TMEM150C: variants seen among roughly 807,000 people sequenced by gnomAD.
The protein encoded by TMEM150C is transmembrane protein 150C.
A neutral mutation model predicts 29.9 loss-of-function variants in TMEM150C; 10 were observed. The observed-to-expected ratio is 0.33, with a 90% confidence interval of 0.21 to 0.57. The LOEUF (loss-of-function observed/expected upper bound fraction) is 0.57. Among genes scored for constraint, TMEM150C ranks in the 20% least tolerant of loss-of-function variants. TMEM150C has a pLI of 0.88. For missense variants in TMEM150C, 251 were observed against 303.6 expected (o/e 0.83, Z 1.29); for synonymous variants, 101 against 112.5 (o/e 0.90, Z 0.64).
At chr4:82,514,472 A>T (rs914235234) in intron 1 of TMEM150C, among the ~76,000 whole-genome samples, 1 of 152,172 alleles carries the variant, frequency 6.6e-6, no homozygotes, top group African/African-American at 2.4e-5. Flanking sequence ...CCCAGCGACC[A>T]TGGATTTTCA....
At chr4:82,492,098 C>T (rs796298474) in intron 6 of TMEM150C, among the ~76,000 whole-genome samples, 4 of 139,846 alleles carry the variant, frequency 2.9e-5, no homozygotes, top group African/African-American at 1.1e-4. Flanking sequence ...ACCATGGTGC[C>T]TGGCCTAAAT....
chr4:82,490,344 C>T, intron 6 of TMEM150C, 106 bp from the exon 7 acceptor site: 2 of 977,776 alleles, frequency 2.0e-6, no homozygotes, highest in Non-Finnish European at 1.6e-6. Context: ...AGAAATATCC[C>T]AATAATGGGA....
At chr4:82,556,237 C>G (rs1271541690) in intron 1 of TMEM150C, among the ~76,000 whole-genome samples, 1 of 152,228 alleles carries the variant, frequency 6.6e-6, no homozygotes, top group Non-Finnish European at 1.5e-5. Context: ...CTTGGCCTCC[C>G]AGAGTGTTGG....
At position 82,485,609 on chromosome 4, in the gene TMEM150C, A is replaced by G. The variant is rs1353156608; in HGVS notation, c.652T>C (p.Tyr218His). The G allele has an allele frequency of 1.2e-6, 2 of 1,611,220 alleles. No homozygotes were observed. Among genetic ancestry groups the G allele is most frequent in the Non-Finnish European group, 1.7e-6 (2 of 1,178,778 alleles). Reference protein sequence around the residue: ...FGTFAVEFRHYRYEIVCSEYQ... With the variant: ...FGTFAVEFRHHRYEIVCSEYQ... ...TCAGAGCAAACAATCTCATAGCGGT[A>G]ATGCCGGAACTCCACGGCAAAGGTG... Residue 218 changes from tyrosine (Y) to histidine (H), a missense_variant, in exon 8 of 8, where the codon TAC (tyrosine) becomes CAC (histidine). Physicochemically the swap from Tyr to His is moderately conservative, Grantham distance 83. Transcript: ENST00000449862.
At chr4:82,508,626 C>T (rs1286941521) in intron 1 of TMEM150C, among the ~76,000 whole-genome samples, 2 of 152,032 alleles carry the variant, frequency 1.3e-5, no homozygotes, top group South Asian at 2.1e-4. Flanking sequence ...CCACCACACC[C>T]GGCTAATTTT....
chr4:82,504,326 C>T (rs1411447648), intron 2 of TMEM150C, among the ~76,000 whole-genome samples: 1 of 152,118 alleles, frequency 6.6e-6, no homozygotes, highest in Non-Finnish European at 1.5e-5. Context: ...GCCTCAGCCC[C>T]CCGAGTAGCT....
intron 1 of TMEM150C, among the ~76,000 whole-genome samples, chr4:82,509,960 C>G (rs138034716): frequency 4.2e-4 from 64 of 152,184 alleles, no homozygotes; most frequent in Non-Finnish European, 7.4e-4. Context: ...TCCTTGAGGA[C>G]AAACTTTCTA....
chr4:82,554,438 T>A (rs918104129), intron 1 of TMEM150C, among the ~76,000 whole-genome samples: 1 of 152,178 alleles, frequency 6.6e-6, no homozygotes, highest in Admixed American at 6.5e-5. Flanking sequence ...ATCAACAGAA[T>A]GAAAATAACT....
intron 1 of TMEM150C, 91 bp from the exon 2 acceptor site, chr4:82,504,758 C>G (rs548743862): frequency 8.8e-6 from 9 of 1,026,586 alleles, no homozygotes; most frequent in Middle Eastern, 2.3e-4. Context: ...GGGCCAAGCA[C>G]GGTGGCTTAC....
Position 82,532,445 on chromosome 4 carries a change from T to C in TMEM150C, c.-10-27778A>G, listed in dbSNP as rs1213208126. On this transcript the variant is annotated intron_variant, in intron 1 of 7. Coordinates refer to ENST00000449862, the MANE Select transcript of TMEM150C (RefSeq NM_001080506.3). ...AACCACGAGGGTGACAATAACAAAG[T>C]AAAAGCGACAATCAATGAGCTTTTT... Among the ~76,000 whole-genome samples, 4 of 152,106 alleles carry C rather than the reference T, an allele frequency of 2.6e-5. No homozygotes were observed. The East Asian group carries it at 7.7e-4, about 29-fold the overall frequency.
At position 82,485,715 on chromosome 4, in the gene TMEM150C, GA is replaced by G; in HGVS notation, c.545del (p.Phe182SerfsTer51). ...TGTGGATGCTTTGGGCCATGAGGAT[GA>G]AGTCTGGGGAGAAGCAGTCAAGGAA... Reference protein sequence around the residue: ...ASITLCVVLYFILMAQSIHMY... With the variant: ...ASITLCVVLYXILMAQSIHMY... On this transcript the variant is annotated frameshift_variant, in exon 8 of 8. Transcript: ENST00000449862. LOFTEE classifies it high-confidence loss of function. 1.9e-6 allele frequency: 3 copies of G among 1,603,626 alleles called. No homozygotes were observed.
chr4:82,499,666 T>C (rs1723667287), intron 5 of TMEM150C, among the ~76,000 whole-genome samples: 1 of 121,118 alleles, frequency 8.3e-6, no homozygotes, highest in Non-Finnish European at 1.6e-5. Context: ...GAAGTTGTGG[T>C]GGGCCAAGAT....
chr4:82,518,078 G>T (rs1724351416), intron 1 of TMEM150C, among the ~76,000 whole-genome samples: 1 of 152,120 alleles, frequency 6.6e-6, no homozygotes, highest in Admixed American at 6.5e-5. Context: ...CACTTTGGGA[G>T]GCTGAGGCGG....
chr4:82,543,633 C>T (rs1725263943), intron 1 of TMEM150C, among the ~76,000 whole-genome samples: 2 of 152,228 alleles, frequency 1.3e-5, no homozygotes, highest in African/African-American at 2.4e-5. Flanking sequence ...GAGGCTGTGA[C>T]TCTGATGCAA....
chr4:82,548,991 T>C (rs903985919), intron 1 of TMEM150C, among the ~76,000 whole-genome samples: 1 of 152,150 alleles, frequency 6.6e-6, no homozygotes, highest in Non-Finnish European at 1.5e-5. Context: ...TTGCAGCCAA[T>C]GATTTGGCTT....
chr4:82,529,313 G>C lies in TMEM150C; in HGVS notation c.-10-24646C>G, dbSNP rs545833772. ...TTCCTTTTTCTTTTTTTTTGAGACAGAGTCTTGCTCTGTTGCCCAGGCTGG... is the reference window on the plus strand; with the variant it reads ...TTCCTTTTTCTTTTTTTTTGAGACACAGTCTTGCTCTGTTGCCCAGGCTGG... On this transcript the variant is annotated intron_variant, in intron 1 of 7. Coordinates refer to ENST00000449862, the MANE Select transcript of TMEM150C (RefSeq NM_001080506.3). Among the ~76,000 whole-genome samples, 105 of 128,572 alleles carry C rather than the reference G, an allele frequency of 8.2e-4. 1 individual carries two copies. The highest frequency in any genetic ancestry group is 1.4e-3 in the Non-Finnish European group (88 of 63,436). The allele number at this position is 128,572 out of a possible 152,430, so 84.3% of individuals were successfully genotyped here.
intron 7 of TMEM150C, among the ~76,000 whole-genome samples, chr4:82,486,365 A>ATT: frequency 6.9e-6 from 1 of 145,900 alleles, no homozygotes; most frequent in East Asian, 2.0e-4. Flanking sequence ...AAAAAAAAAG[A>ATT]AGAAAGCACT....
intron 5 of TMEM150C, among the ~76,000 whole-genome samples, chr4:82,498,376 G>A (rs1386418429): frequency 3.3e-5 from 5 of 151,036 alleles, no homozygotes; most frequent in African/African-American, 9.7e-5. Flanking sequence ...TGCGACCTCC[G>A]CCTCCTGGGT....
intron 1 of TMEM150C, among the ~76,000 whole-genome samples, chr4:82,561,267 C>T (rs1267412585): frequency 1.3e-5 from 2 of 152,214 alleles, no homozygotes; most frequent in Non-Finnish European, 2.9e-5. Context: ...CCACCTACCA[C>T]GGCCTCCCGC....
Sources: gnomAD v4.1 joint callset for allele counts (sites outside exome capture counted in the v4.1 genomes callset) on GRCh38, gnomAD v4.1.1 for gene constraint, MANE v1.5 for transcripts, NCBI Gene and HGNC (gene_info 2026-07-23, HGNC 2026-07-21) for gene names.